The following DLGAP2 variants were observed in gnomAD, a reference collection of about 807,000 sequenced individuals.
DLGAP2 encodes the protein DLG associated protein 2, also known as disks large-associated protein 2.
DLGAP2 carries 26 observed loss-of-function variants against 100.3 expected under a neutral mutation model. The observed-to-expected ratio is 0.26, with a 90% CI of 0.19 to 0.36. The LOEUF is 0.36. Among genes scored for constraint, DLGAP2 ranks in the 10% least tolerant of loss-of-function variants. The probability of loss-of-function intolerance (pLI) is 1.00; values close to 1 mark genes in which losing one functional copy is unlikely to be tolerated. For missense variants in DLGAP2, 1,858 were observed against 1,453.2 expected (o/e 1.28, Z -4.53); for synonymous variants, 886 against 630.1 (o/e 1.41, Z -6.08).
At chr8:821,037 G>T (rs1336823837) in intron 1 of DLGAP2, among the ~76,000 whole-genome samples, 1 of 152,156 alleles carries the variant, frequency 6.6e-6, no homozygotes, top group Non-Finnish European at 1.5e-5. Flanking sequence ...TACGTTAACT[G>T]CTTACAGGAA....
At chr8:1,632,708 G>A in intron 7 of DLGAP2, 119 bp from the exon 8 acceptor site, 5 of 955,116 alleles carry the variant, frequency 5.2e-6, no homozygotes, top group Non-Finnish European at 4.7e-6. Context: ...CAGGTTAACT[G>A]TGCTGAACTA....
chr8:1,344,209 G>GTGGGTCTTTGTACTCGGGGCCCTGTCA (rs1801501979), intron 3 of DLGAP2, among the ~76,000 whole-genome samples: 3 of 148,278 alleles, frequency 2.0e-5, no homozygotes, highest in Non-Finnish European at 3.0e-5. Flanking sequence ...GGGCCCTGTC[G>GTGGGTCTTTGTACTCGGGGCCCTGTCA]TGGGGCCTGT....
In DLGAP2 at chr8:974,181, A is replaced by G. The variant is rs553272677; in HGVS notation, c.73+66215A>G. ...TATCCAGGAAGCTAAAAGAACCAGC[A>G]AGATATATATTAAAAATCCACAACT... On this transcript the variant is annotated intron_variant, in intron 2 of 14. Coordinates refer to ENST00000637795, the MANE Select transcript of DLGAP2 (RefSeq NM_001346810.2). Among the ~76,000 whole-genome samples the G allele has an allele frequency of 3.9e-5, 6 of 152,358 alleles. No homozygotes were observed. In the South Asian group the frequency reaches 6.2e-4, roughly 16 times the overall value.
At chr8:878,021 C>T (rs533272879) in intron 1 of DLGAP2, among the ~76,000 whole-genome samples, 2 of 152,318 alleles carry the variant, frequency 1.3e-5, no homozygotes, top group East Asian at 1.9e-4. Flanking sequence ...TCTTCATTTG[C>T]TGTTTGCCAA....
intron 4 of DLGAP2, among the ~76,000 whole-genome samples, chr8:1,531,691 T>C (rs975515917): frequency 6.6e-6 from 1 of 152,176 alleles, no homozygotes; most frequent in Non-Finnish European, 1.5e-5. Flanking sequence ...AAATTCTCTT[T>C]TGATTTTGAA....
chr8:1,614,101 G>A (rs182159696), intron 6 of DLGAP2, among the ~76,000 whole-genome samples: 39 of 152,254 alleles, frequency 2.6e-4, no homozygotes, highest in African/African-American at 8.7e-4. Context: ...TGTATGCCCT[G>A]GCTTCAGCGG....
intron 2 of DLGAP2, among the ~76,000 whole-genome samples, chr8:985,493 C>T (rs1800460525): frequency 1.3e-5 from 2 of 152,206 alleles, no homozygotes. Context: ...ATGTTAATTT[C>T]CCTGGTCTTT....
chr8:1,323,712 G>A (rs930056231), intron 3 of DLGAP2, among the ~76,000 whole-genome samples: 3 of 152,194 alleles, frequency 2.0e-5, no homozygotes, highest in African/African-American at 4.8e-5. Context: ...TGCCAGGTGA[G>A]ACAGGAGCCC....
intron 2 of DLGAP2, among the ~76,000 whole-genome samples, chr8:1,119,019 A>G (rs1405265301): frequency 2.6e-5 from 4 of 152,156 alleles, no homozygotes. Context: ...TGACTGTATA[A>G]TTACTTCATA....
chr8:1,649,773 C>T (rs1030156904), intron 8 of DLGAP2, among the ~76,000 whole-genome samples: 7 of 152,088 alleles, frequency 4.6e-5, no homozygotes, highest in East Asian at 1.9e-4. Flanking sequence ...GCTTTTTAAA[C>T]GTAAGTCATG....
At chr8:820,393 A>G (rs1335645489) in intron 1 of DLGAP2, among the ~76,000 whole-genome samples, 1 of 152,218 alleles carries the variant, frequency 6.6e-6, no homozygotes, top group African/African-American at 2.4e-5. Context: ...GATATCATTA[A>G]TGGGGCTAAT....
intron 3 of DLGAP2, among the ~76,000 whole-genome samples, chr8:1,409,517 A>G (rs1796670029): frequency 6.6e-6 from 1 of 152,230 alleles, no homozygotes; most frequent in Admixed American, 6.5e-5. Context: ...GGTGTGACGA[A>G]CGTGCTCAGA....
At chr8:1,386,276 C>G (rs1796217687) in intron 3 of DLGAP2, among the ~76,000 whole-genome samples, 1 of 152,178 alleles carries the variant, frequency 6.6e-6, no homozygotes, top group East Asian at 1.9e-4. Flanking sequence ...GAAAAATCAC[C>G]AGACCCAAAG....
intron 3 of DLGAP2, chr8:1,300,792 C>CCTT (rs1465519858): frequency 6.6e-6 from 1 of 151,846 alleles, no homozygotes; most frequent in Non-Finnish European, 1.5e-5. Context: ...GAGAGCGGCC[C>CCTT]CTAAAACCAC....
At chr8:1,533,788 C>G (rs1428090154) in intron 4 of DLGAP2, among the ~76,000 whole-genome samples, 2 of 151,946 alleles carry the variant, frequency 1.3e-5, no homozygotes, top group East Asian at 3.9e-4. Flanking sequence ...GAGACCCTGT[C>G]TCTACAAAAA....
chr8:891,936 C>T (rs914430403), intron 1 of DLGAP2, among the ~76,000 whole-genome samples: 18 of 152,184 alleles, frequency 1.2e-4, no homozygotes, highest in Non-Finnish European at 2.2e-4. Context: ...GGGGGCTGCG[C>T]CACACAGAGC....
At position 1,656,614 on chromosome 8, in the gene DLGAP2, C is replaced by A. The variant is rs367730871; in HGVS notation, c.1811-11715C>A. ...TACATCTGAGGAAAGTCAGTTTTTA[C>A]ACACCTCTTCCCTGCCCCATTTATT... On this transcript the variant is annotated intron_variant, in intron 8 of 14. Coordinates refer to ENST00000637795, the MANE Select transcript of DLGAP2 (RefSeq NM_001346810.2). 2.7e-3 allele frequency among the ~76,000 whole-genome samples: 409 copies of A among 152,332 alleles called. 5 individuals are homozygous for A. Among genetic ancestry groups the A allele is most frequent in the South Asian group, 0.021 (100 of 4,816 alleles).
chr8:990,232 G>T (rs893162401), intron 2 of DLGAP2, among the ~76,000 whole-genome samples: 6 of 151,878 alleles, frequency 4.0e-5, no homozygotes, highest in Admixed American at 1.3e-4. Flanking sequence ...TATTTGTGTC[G>T]TGATGTTGCC....
chr8:1,127,151 C>A (rs1020488411), intron 2 of DLGAP2, among the ~76,000 whole-genome samples: 1 of 150,086 alleles, frequency 6.7e-6, no homozygotes, highest in Non-Finnish European at 1.5e-5. Flanking sequence ...TGAGGGACCC[C>A]ACCCTGTCCC....
Sources: allele counts gnomAD v4.1 joint callset (sites outside exome capture counted in the v4.1 genomes callset), GRCh38; gene constraint gnomAD v4.1.1; transcripts MANE v1.5; gene names NCBI Gene and HGNC (gene_info 2026-07-23, HGNC 2026-07-21).